PPP1R21: variants seen among roughly 807,000 people sequenced by gnomAD.
PPP1R21 encodes the protein KLRAQ motif containing 1.
Under a neutral mutation model 112.8 loss-of-function variants are expected in PPP1R21, and 85 were observed. The ratio of observed to expected loss-of-function variants is 0.75; its 90% CI spans 0.63 to 0.90. The LOEUF (loss-of-function observed/expected upper bound fraction) is 0.90, where lower values mean the gene tolerates loss of function less well. Ranked by LOEUF, PPP1R21 falls within the 40% of genes least tolerant of loss-of-function variation. The probability of loss-of-function intolerance (pLI) is 0.00; values close to 1 mark genes in which losing one functional copy is unlikely to be tolerated. For missense variants in PPP1R21, 1,199 were observed against 901.5 expected, an observed-to-expected ratio of 1.33 and a Z score of -4.23; for synonymous variants, 381 against 322.3, an observed-to-expected ratio of 1.18 and a Z score of -1.95.
intron 11 of PPP1R21, 43 bp from the exon 12 acceptor site, chr2:48,474,640 A>G: frequency 6.4e-7 from 1 of 1,556,532 alleles, no homozygotes; most frequent in Non-Finnish European, 8.7e-7. Flanking sequence ...CTAATTGAAA[A>G]TCGTTTGGGA....
At chr2:48,497,114 A>C (rs1669882536) in intron 16 of PPP1R21, among the ~76,000 whole-genome samples, 1 of 152,286 alleles carries the variant, frequency 6.6e-6, no homozygotes, top group Middle Eastern at 3.4e-3. Context: ...CAGACTTGTG[A>C]CTGCCGTCTG....
intron 13 of PPP1R21, among the ~76,000 whole-genome samples, chr2:48,480,558 T>C (rs1356095552): frequency 6.6e-6 from 1 of 152,240 alleles, no homozygotes; most frequent in Non-Finnish European, 1.5e-5. Context: ...TGTAGTCTGC[T>C]GAAAGGCCGA....
Position 48,479,924 on chromosome 2 carries a change from G to A in PPP1R21, c.1226G>A (p.Ser409Asn). Reference protein sequence around the residue: ...QTYIALLALPSTEPDGLLRTN... With the variant: ...QTYIALLALPNTEPDGLLRTN... ...TAGATTTGTGATTTTGATTTCCTAGGTACAGAGCCAGATGGACTCCTTCGG... is the reference window on the plus strand; with the variant it reads ...TAGATTTGTGATTTTGATTTCCTAGATACAGAGCCAGATGGACTCCTTCGG... Residue 409 changes from serine (S) to asparagine (N), a missense_variant and splice_region_variant, in exon 13 of 22, where the codon AGT (serine) becomes AAT (asparagine). Physicochemically the swap from Ser to Asn is conservative, Grantham distance 46 (BLOSUM62 1). Coordinates refer to ENST00000294952, the MANE Select transcript of PPP1R21 (RefSeq NM_001135629.3). 6.3e-7 allele frequency: 1 copy of A among 1,594,588 alleles called. No homozygotes were observed. The highest frequency in any genetic ancestry group is 8.6e-7 in the Non-Finnish European group (1 of 1,162,310).
chr2:48,461,591 C>A (rs1667982380), intron 7 of PPP1R21, among the ~76,000 whole-genome samples: 1 of 152,202 alleles, frequency 6.6e-6, no homozygotes, highest in South Asian at 2.1e-4. Context: ...GGAGTTAAAT[C>A]ATCTTAAAAT....
chr2:48,495,527 C>A, intron 15 of PPP1R21, 152 bp from the exon 16 acceptor site: 1 of 558,410 alleles, frequency 1.8e-6, no homozygotes, highest in Non-Finnish European at 3.2e-6. Flanking sequence ...AAAAAATTAT[C>A]TTCGTTTTCA....
chr2:48,492,194 A>T (rs960421230), intron 15 of PPP1R21, among the ~76,000 whole-genome samples: 3 of 152,218 alleles, frequency 2.0e-5, no homozygotes, highest in Non-Finnish European at 4.4e-5. Context: ...ATAATCCCTA[A>T]TTCCAGTTCC....
rs1433253006 is a variant in PPP1R21 at position 48,457,911 on chromosome 2, T to G, written c.274-215T>G. ...AGCCTTATCTGTTCTTTTCTCTCTC[T>G]TTTTAAAGCTTTCCTGCTCCTTACA... On this transcript the variant is annotated intron_variant, in intron 3 of 21. Coordinates refer to ENST00000294952, the MANE Select transcript of PPP1R21 (RefSeq NM_001135629.3). 14 of 483,994 alleles carry G rather than the reference T, an allele frequency of 2.9e-5. No individual in the cohort carries two copies. In the East Asian group the frequency reaches 6.9e-4, roughly 24 times the overall value. The allele number at this position is 483,994 out of a possible 1,614,324, so 30.0% of individuals were successfully genotyped here.
At chr2:48,506,935 ACT>A (rs1384883021) in intron 18 of PPP1R21, among the ~76,000 whole-genome samples, 1 of 121,468 alleles carries the variant, frequency 8.2e-6, no homozygotes, top group Non-Finnish European at 1.7e-5. Flanking sequence ...ACGGAGTGAG[ACT>A]CTGCCTCAAA....
chr2:48,473,818 C>T (rs529949426), intron 11 of PPP1R21, among the ~76,000 whole-genome samples: 1 of 151,832 alleles, frequency 6.6e-6, no homozygotes, highest in African/African-American at 2.4e-5. Context: ...TTTTAAAAAC[C>T]TTGTAATTAA....
intron 17 of PPP1R21, among the ~76,000 whole-genome samples, chr2:48,501,411 G>A (rs1670105941): frequency 1.3e-5 from 2 of 152,330 alleles, no homozygotes; most frequent in Admixed American, 6.5e-5. Flanking sequence ...TGTAGAAATC[G>A]TGTGCCTGAC....
At chr2:48,473,593 C>G (rs567909217) in intron 11 of PPP1R21, among the ~76,000 whole-genome samples, 1 of 152,074 alleles carries the variant, frequency 6.6e-6, no homozygotes, top group South Asian at 2.1e-4. Context: ...GTTTAAATAC[C>G]ACTTTAATTG....
chr2:48,459,617 A>T, intron 4 of PPP1R21, 137 bp from the exon 5 acceptor site: 1 of 865,226 alleles, frequency 1.2e-6, no homozygotes, highest in Non-Finnish European at 1.7e-6. Context: ...ATTTAATGAG[A>T]TAATGCCTGT....
chr2:48,478,272 C>G (rs888515570), intron 12 of PPP1R21, among the ~76,000 whole-genome samples: 1 of 152,226 alleles, frequency 6.6e-6, no homozygotes, highest in Admixed American at 6.5e-5. Flanking sequence ...TACAGCAGCA[C>G]TAGGAAATTA....
At chr2:48,485,229 G>C (rs946466220) in intron 13 of PPP1R21, among the ~76,000 whole-genome samples, 3 of 151,750 alleles carry the variant, frequency 2.0e-5, no homozygotes, top group Non-Finnish European at 4.4e-5. Flanking sequence ...GGGCTCAATG[G>C]AAGCCCAAAC....
intron 9 of PPP1R21, among the ~76,000 whole-genome samples, chr2:48,467,530 C>T (rs1334680456): frequency 6.6e-6 from 1 of 152,188 alleles, no homozygotes; most frequent in African/African-American, 2.4e-5. Context: ...GGGGGATTTG[C>T]ATCCCAGGTG....
At chr2:48,442,327 A>G (rs1446961803) in intron 1 of PPP1R21, among the ~76,000 whole-genome samples, 1 of 152,236 alleles carries the variant, frequency 6.6e-6, no homozygotes, top group East Asian at 1.9e-4. Context: ...TTTCGTGAGT[A>G]TAAAGCAAGG....
chr2:48,512,567 G>A (rs1187844962), intron 21 of PPP1R21, among the ~76,000 whole-genome samples: 1 of 152,200 alleles, frequency 6.6e-6, no homozygotes, highest in African/African-American at 2.4e-5. Flanking sequence ...TGCTGTTGGT[G>A]TTAAGGACAG....
At chr2:48,451,319 C>G (rs1353736618) in intron 2 of PPP1R21, among the ~76,000 whole-genome samples, 1 of 152,214 alleles carries the variant, frequency 6.6e-6, no homozygotes. Context: ...TAATGCATTA[C>G]TCCTGTGCCT....
At chr2:48,446,566 A>G (rs558129105) in intron 1 of PPP1R21, among the ~76,000 whole-genome samples, 377 of 152,352 alleles carry the variant, frequency 2.5e-3, no homozygotes, top group African/African-American at 8.7e-3. Context: ...CTTTATATGT[A>G]TAATTTATTA....
Sources: allele counts gnomAD v4.1 joint callset (sites outside exome capture counted in the v4.1 genomes callset), GRCh38; gene constraint gnomAD v4.1.1; transcripts MANE v1.5; gene names NCBI Gene and HGNC (gene_info 2026-07-23, HGNC 2026-07-21).